NFIA: variants seen among roughly 807,000 people sequenced by gnomAD.
NFIA encodes nuclear factor I A.
In NFIA, 8 loss-of-function variants were observed where a neutral mutation model predicts 62.8. The ratio of observed to expected loss-of-function variants is 0.13; its 90% CI spans 0.07 to 0.23. NFIA has a LOEUF of 0.23. Among genes scored for constraint, NFIA ranks in the 10% least tolerant of loss-of-function variants. The probability of loss-of-function intolerance (pLI) is 1.00; values close to 1 mark genes in which losing one functional copy is unlikely to be tolerated. For synonymous variants in NFIA, 235 were observed against 238.1 expected, an observed-to-expected ratio of 0.99 and a Z score of 0.12; for missense variants, 410 against 642.1, an observed-to-expected ratio of 0.64 and a Z score of 3.91.
At chr1:61,193,694 T>C (rs1425996310) in intron 2 of NFIA, among the ~76,000 whole-genome samples, 1 of 152,194 alleles carries the variant, frequency 6.6e-6, no homozygotes, top group Non-Finnish European at 1.5e-5. Context: ...ATATGAAATA[T>C]TTGCAGAACA....
intron 3 of NFIA, among the ~76,000 whole-genome samples, chr1:61,317,592 A>T (rs1392360890): frequency 6.6e-6 from 1 of 152,048 alleles, no homozygotes; most frequent in African/African-American, 2.4e-5. Flanking sequence ...TTTATTTTTA[A>T]TAATTTGTTA....
chr1:61,429,669 T>C (rs1467512589), intron 10 of NFIA, among the ~76,000 whole-genome samples: 1 of 152,250 alleles, frequency 6.6e-6, no homozygotes, highest in African/African-American at 2.4e-5. Context: ...GCAACCCAAG[T>C]GTCCATTGAC....
At chr1:61,230,066 A>G (rs1654576008) in intron 2 of NFIA, among the ~76,000 whole-genome samples, 4 of 152,340 alleles carry the variant, frequency 2.6e-5, no homozygotes, top group Admixed American at 1.3e-4. Context: ...TGAAATTATC[A>G]CTATTTGGAA....
chr1:61,306,200 CTTCTCTGG>C (rs552248773), intron 3 of NFIA, among the ~76,000 whole-genome samples: 93 of 150,318 alleles, frequency 6.2e-4, no homozygotes, highest in African/African-American at 2.2e-3. Flanking sequence ...GCTTCTCTCA[CTTCTCTGG>C]TTCTCTACCT....
At position 61,359,069 on chromosome 1, in the gene NFIA, T is replaced by G; in HGVS notation, c.819-78T>G. On this transcript the variant is annotated intron_variant, in intron 5 of 10. Transcript: ENST00000403491. The stretch of plus-strand genomic sequence containing the variant: ...GCCCAATTGCTTCCTCCCTTGGCTT[T>G]CTTTCAACCAGAGGTGCAGTGTCCA... 1.9e-6 allele frequency: 3 copies of G among 1,561,926 alleles called. No homozygotes were observed. In the South Asian group the frequency reaches 3.6e-5, roughly 19 times the overall value.
intron 9 of NFIA, among the ~76,000 whole-genome samples, chr1:61,417,031 T>C (rs553175898): frequency 1.3e-5 from 2 of 151,884 alleles, no homozygotes; most frequent in Admixed American, 6.6e-5. Flanking sequence ...AAAGAAGGAA[T>C]AGGAAAAAGA....
chr1:61,245,444 G>A (rs1557658884), intron 2 of NFIA, among the ~76,000 whole-genome samples: 1 of 151,486 alleles, frequency 6.6e-6, no homozygotes, highest in East Asian at 1.9e-4. Context: ...GTTCTTCAGG[G>A]GAAAAAATGT....
At chr1:61,319,424 C>G (rs940590660) in intron 3 of NFIA, among the ~76,000 whole-genome samples, 2 of 152,096 alleles carry the variant, frequency 1.3e-5, no homozygotes, top group Admixed American at 1.3e-4. Context: ...CACAGATATA[C>G]TGAGTACCCA....
rs1335327981 is a variant in NFIA at position 61,082,665 on chromosome 1, TC to T, written c.-121del. On this transcript the variant is annotated 5_prime_UTR_variant, in exon 1 of 11. Transcript: ENST00000403491. ...AAGAAGCAGGCTTGATTTTTTTTTCTCCCCCCTTCTCTCTCTCTCTCTCTCT... is the reference window on the plus strand; with the variant it reads ...AAGAAGCAGGCTTGATTTTTTTTTCTCCCCCTTCTCTCTCTCTCTCTCTCT... 4 of 1,519,468 alleles carry T rather than the reference TC, an allele frequency of 2.6e-6. No homozygotes were observed. 94.1% of individuals were successfully genotyped at this position (1,519,468 alleles called of 1,614,324 possible).
At position 61,393,673 on chromosome 1, in the gene NFIA, G is replaced by A. The variant is rs72666671; in HGVS notation, c.1075+10308G>A. 5.7e-3 allele frequency among the ~76,000 whole-genome samples: 869 copies of A among 152,216 alleles called. 7 individuals carry two copies. Among genetic ancestry groups the A allele is most frequent in the Non-Finnish European group, 9.5e-3 (645 of 68,018 alleles). On this transcript the variant is annotated intron_variant, in intron 7 of 10. Transcript: ENST00000403491. ...GTCCATCCTAACCACATAGGCTGAG[G>A]CTGAGGGACAGAGAGTTCCCCAAAG... is the stretch of plus-strand genomic sequence containing the variant.
chr1:61,377,409 G>A (rs1299166231), intron 6 of NFIA, among the ~76,000 whole-genome samples: 3 of 152,112 alleles, frequency 2.0e-5, no homozygotes, highest in African/African-American at 7.2e-5. Context: ...GATGGATGAA[G>A]GCTTCCAGTT....
intron 6 of NFIA, among the ~76,000 whole-genome samples, chr1:61,374,949 A>G (rs1306966596): frequency 6.6e-6 from 1 of 152,186 alleles, no homozygotes; most frequent in African/African-American, 2.4e-5. Flanking sequence ...ATGAACTCTA[A>G]TGGATTTTAT....
At chr1:61,281,795 G>A (rs1359810142) in intron 3 of NFIA, among the ~76,000 whole-genome samples, 2 of 152,134 alleles carry the variant, frequency 1.3e-5, no homozygotes, top group East Asian at 3.9e-4. Flanking sequence ...CTGATTAAGG[G>A]TAGGATTTAT....
rs558283019 is a variant in NFIA at position 61,376,773 on chromosome 1, A to G, written c.947-6464A>G. 3.9e-4 allele frequency among the ~76,000 whole-genome samples: 60 copies of G among 152,328 alleles called. 1 individual carries two copies. In the South Asian group the frequency reaches 0.012, roughly 29 times the overall value. On this transcript the variant is annotated intron_variant, in intron 6 of 10. Coordinates refer to ENST00000403491, the MANE Select transcript of NFIA (RefSeq NM_001134673.4). ...CATGAGGGTTTTATAAAATGTATGC[A>G]CTTGAGAACCAGAGAGACCTGGATC... is the stretch of plus-strand genomic sequence containing the variant.
At chr1:61,147,216 TC>T in intron 2 of NFIA, among the ~76,000 whole-genome samples, 1 of 152,136 alleles carries the variant, frequency 6.6e-6, no homozygotes, top group Non-Finnish European at 1.5e-5. Context: ...ATTGGTGCAA[TC>T]TTGGTTCACT....
chr1:61,424,623 CT>C (rs762439089), intron 9 of NFIA, among the ~76,000 whole-genome samples: 2 of 152,102 alleles, frequency 1.3e-5, no homozygotes, highest in Non-Finnish European at 2.9e-5. Context: ...ACTTTTTTCC[CT>C]AACCACTAAC....
intron 4 of NFIA, among the ~76,000 whole-genome samples, chr1:61,339,019 C>G (rs1177787143): frequency 6.6e-6 from 1 of 152,012 alleles, no homozygotes; most frequent in Non-Finnish European, 1.5e-5. Context: ...AGATTGCAGC[C>G]CTAGCATGAA....
chr1:61,159,601 T>C (rs1437758176), intron 2 of NFIA, among the ~76,000 whole-genome samples: 1 of 151,890 alleles, frequency 6.6e-6, no homozygotes, highest in Non-Finnish European at 1.5e-5. Context: ...AGTTTCCTAA[T>C]CTATAAAATT....
At chr1:61,320,338 A>T in intron 3 of NFIA, among the ~76,000 whole-genome samples, 1 of 152,204 alleles carries the variant, frequency 6.6e-6, no homozygotes, top group East Asian at 1.9e-4. Flanking sequence ...TATCTGCAGA[A>T]GTGAATAATA....
Sources: allele counts gnomAD v4.1 joint callset (sites outside exome capture counted in the v4.1 genomes callset), GRCh38; gene constraint gnomAD v4.1.1; transcripts MANE v1.5; gene names NCBI Gene and HGNC (gene_info 2026-07-23, HGNC 2026-07-21).